COL16A1: variants seen among roughly 807,000 people sequenced by gnomAD.
The protein encoded by COL16A1 is collagen alpha-1(XVI) chain.
In COL16A1, 189 loss-of-function variants were observed where a neutral mutation model predicts 266.3. That is an observed-to-expected ratio of 0.71 (90% CI 0.63 to 0.80). The LOEUF (loss-of-function observed/expected upper bound fraction) is 0.80. COL16A1 is among the 30% of genes least tolerant of loss of function. The pLI, the probability that COL16A1 is intolerant of heterozygous loss-of-function variation, is 0.00. For missense variants in COL16A1, 1,928 were observed against 2,122.4 expected, an observed-to-expected ratio of 0.91 and a Z score of 1.80; for synonymous variants, 740 against 782.3, an observed-to-expected ratio of 0.95 and a Z score of 0.90.
intron 17 of COL16A1, among the ~76,000 whole-genome samples, 170 bp downstream of exon 17, chr1:31,691,835 G>A (rs1464622579): frequency 6.6e-6 from 1 of 152,072 alleles, no homozygotes; most frequent in African/African-American, 2.4e-5. Context: ...GGGAGTGAGG[G>A]GGCCTGGGCT....
At chr1:31,694,204 G>T in intron 11 of COL16A1, 34 bp from the exon 12 acceptor site, 17 of 1,559,552 alleles carry the variant, frequency 1.1e-5, no homozygotes, top group Non-Finnish European at 1.4e-5. Context: ...TCACACTTCC[G>T]GTAGAGAGAG....
chr1:31,671,548 A>T (rs1642706172), intron 48 of COL16A1, 67 bp downstream of exon 48: 15 of 1,601,376 alleles, frequency 9.4e-6, no homozygotes, highest in Non-Finnish European at 1.3e-5. Context: ...AGGCCGCGGG[A>T]TGGTGTCTGA....
chr1:31,660,997 G>A (rs748271042), intron 61 of COL16A1, 69 bp downstream of exon 61: 208 of 1,476,716 alleles, frequency 1.4e-4, no homozygotes, highest in East Asian at 1.0e-3. Context: ...AGGAAGAAGC[G>A]GCTGCATCCC....
At chr1:31,701,938 TC>T (rs1644738650) in intron 2 of COL16A1, among the ~76,000 whole-genome samples, 182 bp downstream of exon 2, 2 of 151,962 alleles carry the variant, frequency 1.3e-5, no homozygotes, top group South Asian at 4.1e-4. Flanking sequence ...ACACACACTC[TC>T]CAGCTCACTG....
At chr1:31,691,564 C>A (rs761956865) in intron 18 of COL16A1, 34 bp downstream of exon 18, 3 of 1,614,028 alleles carry the variant, frequency 1.9e-6, no homozygotes, top group South Asian at 1.1e-5. Context: ...AGCCCTGCCA[C>A]CCCATCTCCA....
At chr1:31,680,130 T>C (rs1198488821) in intron 39 of COL16A1, 29 bp from the exon 40 acceptor site, 1 of 1,608,884 alleles carries the variant, frequency 6.2e-7, no homozygotes, top group African/African-American at 1.3e-5. Flanking sequence ...TTGTGAGACA[T>C]GGATGAAGAC....
In COL16A1 at chr1:31,684,835, G is replaced by A. The variant is rs375296168; in HGVS notation, c.2038C>T (p.Leu680=). ...CGCCCTCTCACCTTCTGCCCCTTCA[G>A]TCCACGCTCTCCAGCCTTGCCCTGA... is the stretch of plus-strand genomic sequence containing the variant. ...GKQGKAGERG[L]KGQKGDAGNP... is the part of the protein sequence containing the mutation. Residue 680 remains leucine (L), a synonymous_variant, in exon 30 of 71, where the codon CTG becomes TTG. Coordinates refer to ENST00000373672, the MANE Select transcript of COL16A1 (RefSeq NM_001856.4). 2.5e-6 allele frequency: 4 copies of A among 1,613,962 alleles called. No individual in the cohort carries two copies. In the Admixed American group the frequency reaches 6.7e-5, roughly 27 times the overall value.
chr1:31,698,295 GC>G lies in COL16A1; in HGVS notation c.391-124del. ...AACTGAGGCCCAGAAAGAGAAGAAA[GC>G]CGGCTGGGGTCAAGGAGCTATACAT... On this transcript the variant is annotated intron_variant, in intron 5 of 70. Transcript: ENST00000373672. This position sits in a 1 kb window ranked among gnomAD's most constrained non-coding sequence, Gnocchi z 4.1. The G allele has an allele frequency of 6.5e-7, 1 of 1,540,374 alleles. No homozygotes were observed.
intron 26 of COL16A1, among the ~76,000 whole-genome samples, chr1:31,687,285 G>A (rs1644026810): frequency 1.3e-5 from 2 of 151,794 alleles, no homozygotes; most frequent in African/African-American, 4.8e-5. Context: ...GGGAGGCTGA[G>A]GCAGGAGAAT....
intron 2 of COL16A1, chr1:31,701,483 A>T (rs1014380295): frequency 1.0e-6 from 1 of 985,298 alleles, no homozygotes; most frequent in African/African-American, 1.7e-5. Flanking sequence ...TTGGCGAAGC[A>T]GCTGAGCTAC....
At position 31,670,556 on chromosome 1, in the gene COL16A1, C is replaced by T. The variant is rs1437129247; in HGVS notation, c.3195+46G>A. On this transcript the variant is annotated intron_variant, in intron 49 of 70. Coordinates refer to ENST00000373672, the MANE Select transcript of COL16A1 (RefSeq NM_001856.4). This position sits in a 1 kb window ranked among gnomAD's most constrained non-coding sequence, Gnocchi z 4.5. ...GGAGACAAGCAAAAGCCACAGAGAC[C>T]TGGCTGACGGGGGGGAGGGGAGGTC... The T allele has an allele frequency of 2.2e-6, 3 of 1,353,616 alleles. No homozygotes were observed. Among genetic ancestry groups the T allele is most frequent in the South Asian group, 2.0e-5 (1 of 50,690 alleles). The allele number at this position is 1,353,616 out of a possible 1,614,324, so 83.9% of individuals were successfully genotyped here.
chr1:31,656,822 T>C lies in COL16A1; in HGVS notation c.4056+211A>G, dbSNP rs1641202273. 1.0e-5 allele frequency: 6 copies of C among 587,600 alleles called. No homozygotes were observed. The East Asian group carries it at 1.7e-4, about 17-fold the overall frequency. The allele number at this position is 587,600 out of a possible 1,614,324, so 36.4% of individuals were successfully genotyped here. A position where few individuals can be genotyped will look rare whatever the true frequency, so the allele number is the denominator to read the frequency against. On this transcript the variant is annotated intron_variant, in intron 65 of 70. Transcript: ENST00000373672. The surrounding 1 kb of genome is among the most constrained non-coding windows in gnomAD (Gnocchi z 4.2). ...GTTTCTTTTTGACCAGGTACAGGGT[T>C]TAAAAAAAAAAAAAAAAAGGTAAAA... is the stretch of plus-strand genomic sequence containing the variant.
At chr1:31,654,890 A>G in intron 67 of COL16A1, 32 bp from the exon 68 acceptor site, 4 of 1,610,978 alleles carry the variant, frequency 2.5e-6, no homozygotes, top group Non-Finnish European at 2.5e-6. Flanking sequence ...TGCCTCAATT[A>G]TACTTCCAAG....
At chr1:31,694,055 A>T in intron 12 of COL16A1, 89 bp downstream of exon 12, 2 of 1,284,102 alleles carry the variant, frequency 1.6e-6, no homozygotes, top group Non-Finnish European at 2.2e-6. Flanking sequence ...TGGCCCTGAT[A>T]GAAACACACA....
chr1:31,696,067 T>TC, intron 9 of COL16A1, 21 bp downstream of exon 9: 1 of 1,543,072 alleles, frequency 6.5e-7, no homozygotes, highest in East Asian at 2.2e-5. Context: ...GGTAGGCTCC[T>TC]CCCCCCACCC....
chr1:31,701,888 A>G (rs1644736999), intron 2 of COL16A1, among the ~76,000 whole-genome samples: 3 of 152,248 alleles, frequency 2.0e-5, no homozygotes, highest in Admixed American at 2.0e-4. Flanking sequence ...AGAGACAAAC[A>G]CAGAGATGCT....
At chr1:31,689,955 G>T in intron 22 of COL16A1, 104 bp from the exon 23 acceptor site, 1 of 912,214 alleles carries the variant, frequency 1.1e-6, no homozygotes, top group Non-Finnish European at 1.7e-6. Context: ...GTCCACCAGA[G>T]CCCCACCCCC....
intron 47 of COL16A1, among the ~76,000 whole-genome samples, 163 bp downstream of exon 47, chr1:31,672,253 C>T (rs561883591): frequency 1.3e-5 from 2 of 152,114 alleles, no homozygotes; most frequent in East Asian, 1.9e-4. Context: ...GTGTGTCCTA[C>T]GCTGGGTCCT....
Position 31,690,518 on chromosome 1 carries a change from G to T in COL16A1, c.1482+11C>A, listed in dbSNP as rs1281893323. The T allele has an allele frequency of 6.2e-7, 1 of 1,614,004 alleles. No homozygotes were observed. Among genetic ancestry groups the T allele is most frequent in the South Asian group, 1.1e-5 (1 of 91,070 alleles). On this transcript the variant is annotated intron_variant, in intron 21 of 70. Transcript: ENST00000373672. ...GAGCCGACCCTCCCCCGCTGGATTG[G>T]TGTCACTCACAGGTTTCCCACCAGG...
Sources: gnomAD v4.1 joint callset for allele counts (sites outside exome capture counted in the v4.1 genomes callset) on GRCh38, gnomAD v4.1.1 for gene constraint, Gnocchi (gnomAD v3.1) non-coding constraint, MANE v1.5 for transcripts, NCBI Gene and HGNC (gene_info 2026-07-23, HGNC 2026-07-21) for gene names.